VAT1L: variants seen among roughly 807,000 people sequenced by gnomAD.
The protein encoded by VAT1L is putative NADPH-dependent quinone oxidoreductase VAT1L.
VAT1L carries 34 observed loss-of-function variants against 44.1 expected under a neutral mutation model. The ratio of observed to expected loss-of-function variants is 0.77; its 90% CI spans 0.59 to 1.03. The LOEUF is 1.03. VAT1L is among the 50% of genes least tolerant of loss of function. The pLI is 0.00. For synonymous variants in VAT1L, 253 were observed against 202.2 expected (o/e 1.25, Z -2.13); for missense variants, 615 against 538.8 (o/e 1.14, Z -1.40).
intron 1 of VAT1L, among the ~76,000 whole-genome samples, chr16:77,814,070 G>T (rs2016310638): frequency 6.6e-6 from 1 of 152,040 alleles, no homozygotes; most frequent in Non-Finnish European, 1.5e-5. Flanking sequence ...ACGCTCTCTG[G>T]GTCTCAATTT....
chr16:77,805,061 C>T (rs891255110), intron 1 of VAT1L, among the ~76,000 whole-genome samples: 4 of 152,138 alleles, frequency 2.6e-5, no homozygotes, highest in Non-Finnish European at 5.9e-5. Flanking sequence ...TGTCAAGAGC[C>T]ATGAGCCAGC....
intron 7 of VAT1L, among the ~76,000 whole-genome samples, chr16:77,902,972 G>GAAAAAAAAAA (rs11307214): frequency 1.0e-5 from 1 of 96,388 alleles, no homozygotes; most frequent in African/African-American, 4.1e-5. Flanking sequence ...GACTCTGTCT[G>GAAAAAAAAAA]AAAAAAAAAA....
At chr16:77,878,311 T>C (rs1261508359) in intron 5 of VAT1L, among the ~76,000 whole-genome samples, 1 of 152,218 alleles carries the variant, frequency 6.6e-6, no homozygotes, top group East Asian at 1.9e-4. Flanking sequence ...CCAGGCTAAA[T>C]AGTGTAAAAT....
intron 7 of VAT1L, chr16:77,892,597 G>A (rs1180564007): frequency 3.0e-6 from 2 of 657,100 alleles, no homozygotes; most frequent in Non-Finnish European, 5.8e-6. Context: ...TTATTCCAGG[G>A]TTTATGTGTC....
In VAT1L at chr16:77,977,952, T is replaced by C. The variant is rs1176070994; in HGVS notation, c.*257T>C. On this transcript the variant is annotated 3_prime_UTR_variant, in exon 9 of 9. Transcript: ENST00000302536. The stretch of plus-strand genomic sequence containing the variant: ...TGTATCAAAACCATCCATCTGTGGG[T>C]TCTTCTTGACAGTTCTAGAACAGCC... 7.1e-6 allele frequency: 3 copies of C among 422,606 alleles called. No homozygotes were observed. The highest frequency in any genetic ancestry group is 4.7e-5 in the East Asian group (1 of 21,432). The allele number at this position is 422,606 out of a possible 1,614,324, so 26.2% of individuals were successfully genotyped here. A position where few individuals can be genotyped will look rare whatever the true frequency, so the allele number is the denominator to read the frequency against.
chr16:77,979,933 C>T lies in VAT1L; in HGVS notation c.*2238C>T, dbSNP rs2018382136. ...TTTCTGAAGGAAGTGTAAAGAATGT[C>T]TCAGTCTGCCTTAAAGGAACTGTGA... On this transcript the variant is annotated 3_prime_UTR_variant, in exon 9 of 9. Coordinates refer to ENST00000302536, the MANE Select transcript of VAT1L (RefSeq NM_020927.3). 1 of 152,626 alleles carries T rather than the reference C, an allele frequency of 6.6e-6. No homozygotes were observed. Among genetic ancestry groups the T allele is most frequent in the African/African-American group, 2.4e-5 (1 of 41,436 alleles). 9.5% of individuals were successfully genotyped at this position (152,626 alleles called of 1,614,324 possible). A position where few individuals can be genotyped will look rare whatever the true frequency, so the allele number is the denominator to read the frequency against.
At chr16:77,854,575 T>G (rs563506280) in intron 3 of VAT1L, among the ~76,000 whole-genome samples, 1 of 152,364 alleles carries the variant, frequency 6.6e-6, no homozygotes, top group South Asian at 2.1e-4. Context: ...GTATGGCTCA[T>G]GCATCCAATG....
chr16:77,809,165 A>G (rs2016219777), intron 1 of VAT1L, among the ~76,000 whole-genome samples: 1 of 152,196 alleles, frequency 6.6e-6, no homozygotes, highest in African/African-American at 2.4e-5. Flanking sequence ...TGTAAACCTT[A>G]ATGTGCTTTG....
At position 77,805,963 on chromosome 16, in the gene VAT1L, A is replaced by G. The variant is rs562043450; in HGVS notation, c.234-10958A>G. On this transcript the variant is annotated intron_variant, in intron 1 of 8. Coordinates refer to ENST00000302536, the MANE Select transcript of VAT1L (RefSeq NM_020927.3). The stretch of plus-strand genomic sequence containing the variant: ...CTGCAACCACCACCTCCAGGGTTCA[A>G]GCAATTCTCCTGCCTCAGCCTCCTG... 2.0e-5 allele frequency among the ~76,000 whole-genome samples: 3 copies of G among 146,910 alleles called. No homozygotes were observed. The South Asian group carries it at 6.5e-4, about 32-fold the overall frequency.
chr16:77,792,585 A>G (rs573708326), intron 1 of VAT1L, among the ~76,000 whole-genome samples: 4 of 152,140 alleles, frequency 2.6e-5, no homozygotes, highest in South Asian at 2.1e-4. Flanking sequence ...CTACTTTCTA[A>G]GTGGGGACAT....
At chr16:77,818,330 A>T (rs2016390137) in intron 2 of VAT1L, among the ~76,000 whole-genome samples, 1 of 152,156 alleles carries the variant, frequency 6.6e-6, no homozygotes, top group African/African-American at 2.4e-5. Flanking sequence ...ATTTATTAGT[A>T]TTTTTGCCAA....
At chr16:77,802,612 T>TCAAACA (rs1257121916) in intron 1 of VAT1L, among the ~76,000 whole-genome samples, 20 of 87,890 alleles carry the variant, frequency 2.3e-4, no homozygotes, top group African/African-American at 9.3e-4. Flanking sequence ...AGACCCCATC[T>TCAAACA]CAAACACACA....
intron 7 of VAT1L, among the ~76,000 whole-genome samples, chr16:77,941,416 A>G (rs1027086170): frequency 3.3e-5 from 5 of 152,178 alleles, no homozygotes; most frequent in Admixed American, 2.0e-4. Context: ...TCTATTGCCA[A>G]TTTCCATGGT....
At chr16:77,936,207 T>A (rs755838430) in intron 7 of VAT1L, among the ~76,000 whole-genome samples, 26 of 152,196 alleles carry the variant, frequency 1.7e-4, no homozygotes, top group Non-Finnish European at 2.8e-4. Flanking sequence ...CATTCCTGGT[T>A]ATGTTACTAT....
At chr16:77,818,519 A>G (rs982403348) in intron 2 of VAT1L, among the ~76,000 whole-genome samples, 12 of 152,164 alleles carry the variant, frequency 7.9e-5, no homozygotes, top group Non-Finnish European at 1.8e-4. Context: ...AATCCTCCAC[A>G]TGGTCCCCAA....
chr16:77,857,538 G>GT (rs1385106879), intron 3 of VAT1L, among the ~76,000 whole-genome samples: 1 of 151,786 alleles, frequency 6.6e-6, no homozygotes, highest in East Asian at 1.9e-4. Flanking sequence ...ATGAATTTGT[G>GT]TTTTCCATCC....
At position 77,916,623 on chromosome 16, in the gene VAT1L, C is replaced by A. The variant is rs150020298; in HGVS notation, c.1077+31821C>A. Among the ~76,000 whole-genome samples, 796 of 152,090 alleles carry A rather than the reference C, an allele frequency of 5.2e-3. 4 individuals are homozygous for A. The highest frequency in any genetic ancestry group is 7.7e-3 in the Non-Finnish European group (523 of 67,996). ...TTTGCTCCCATTAAGTTGTTCTGAG[C>A]GTTAAAAATATACATAAGAGCGTTT... On this transcript the variant is annotated intron_variant, in intron 7 of 8. Transcript: ENST00000302536.
At chr16:77,809,427 G>A (rs150138981) in intron 1 of VAT1L, among the ~76,000 whole-genome samples, 136 of 151,000 alleles carry the variant, frequency 9.0e-4, no homozygotes, top group African/African-American at 3.3e-3. Context: ...CTATAGGACA[G>A]CCCTCTCAGA....
At chr16:77,950,201 G>C (rs1450682859) in intron 7 of VAT1L, among the ~76,000 whole-genome samples, 1 of 152,124 alleles carries the variant, frequency 6.6e-6, no homozygotes, top group Non-Finnish European at 1.5e-5. Context: ...TTGAGGTCAG[G>C]AGTTCAAAAC....
Sources: allele counts gnomAD v4.1 joint callset (sites outside exome capture counted in the v4.1 genomes callset), GRCh38; gene constraint gnomAD v4.1.1; transcripts MANE v1.5; gene names NCBI Gene and HGNC (gene_info 2026-07-23, HGNC 2026-07-21).